DGKI: variants seen among roughly 807,000 people sequenced by gnomAD.
DGKI encodes the protein DAG kinase iota.
Under a neutral mutation model 147.5 loss-of-function variants are expected in DGKI, and 55 were observed. The ratio of observed to expected loss-of-function variants is 0.37; its 90% CI spans 0.30 to 0.47. DGKI has a LOEUF of 0.47. Ranked by LOEUF, DGKI falls within the 20% of genes least tolerant of loss-of-function variation. The pLI is 1.00. For missense variants in DGKI, 1,007 were observed against 1,323.8 expected (o/e 0.76, Z 3.71); for synonymous variants, 469 against 477.1 (o/e 0.98, Z 0.22).
At chr7:137,616,076 T>C (rs1032248179) in intron 8 of DGKI, among the ~76,000 whole-genome samples, 1 of 152,110 alleles carries the variant, frequency 6.6e-6, no homozygotes, top group African/African-American at 2.4e-5. Flanking sequence ...AAACATCTGA[T>C]TCAGCAAGGC....
chr7:137,399,710 G>C, intron 30 of DGKI, among the ~76,000 whole-genome samples: 1 of 152,172 alleles, frequency 6.6e-6, no homozygotes, highest in Non-Finnish European at 1.5e-5. Context: ...AGGAATTCGA[G>C]ACCAGCCTGA....
chr7:137,512,086 T>G (rs1425089159), intron 21 of DGKI, among the ~76,000 whole-genome samples: 1 of 152,198 alleles, frequency 6.6e-6, no homozygotes, highest in African/African-American at 2.4e-5. Context: ...AGTCTCACAG[T>G]CTGTTTCCCC....
chr7:137,450,792 CAT>C (rs769621825), intron 27 of DGKI, among the ~76,000 whole-genome samples: 4 of 150,664 alleles, frequency 2.7e-5, no homozygotes, highest in Non-Finnish European at 5.9e-5. Flanking sequence ...TATATATACA[CAT>C]ATATATATAT....
At chr7:137,811,919 G>C (rs1241883164) in intron 1 of DGKI, among the ~76,000 whole-genome samples, 1 of 152,086 alleles carries the variant, frequency 6.6e-6, no homozygotes, top group East Asian at 1.9e-4. Flanking sequence ...AGCCTAGGTA[G>C]GTAGTGACTC....
At chr7:137,546,275 G>A (rs1207549876) in intron 20 of DGKI, among the ~76,000 whole-genome samples, 4 of 152,096 alleles carry the variant, frequency 2.6e-5, no homozygotes, top group African/African-American at 9.7e-5. Flanking sequence ...GATGACCATG[G>A]CCTCCCTTGC....
chr7:137,588,893 T>C (rs1819511525), intron 12 of DGKI, among the ~76,000 whole-genome samples: 2 of 152,178 alleles, frequency 1.3e-5, no homozygotes, highest in Non-Finnish European at 1.5e-5. Flanking sequence ...TTCCATCTTA[T>C]AGATAAGGAA....
intron 1 of DGKI, among the ~76,000 whole-genome samples, chr7:137,758,854 T>C (rs141058532): frequency 0.013 from 1,917 of 152,240 alleles, 53 homozygotes; most frequent in African/African-American, 0.044. Context: ...CACCATTTGT[T>C]TGTAATCATA....
At chr7:137,657,572 T>C (rs1822271158) in intron 3 of DGKI, among the ~76,000 whole-genome samples, 1 of 152,150 alleles carries the variant, frequency 6.6e-6, no homozygotes, top group Non-Finnish European at 1.5e-5. Context: ...GGAAGGAGGA[T>C]TTGTATGAAT....
chr7:137,459,925 C>T (rs1814365809), intron 27 of DGKI, among the ~76,000 whole-genome samples: 1 of 152,138 alleles, frequency 6.6e-6, no homozygotes, highest in South Asian at 2.1e-4. Flanking sequence ...TATTTGCACA[C>T]AATCATTTTT....
chr7:137,773,727 T>A (rs1249550057), intron 1 of DGKI, among the ~76,000 whole-genome samples: 1 of 151,520 alleles, frequency 6.6e-6, no homozygotes, highest in Non-Finnish European at 1.5e-5. Context: ...AAAAAAAAAA[T>A]AGAAACTCAT....
chr7:137,503,003 A>C (rs1335931719), intron 21 of DGKI, among the ~76,000 whole-genome samples: 1 of 152,114 alleles, frequency 6.6e-6, no homozygotes, highest in Non-Finnish European at 1.5e-5. Flanking sequence ...TGGACAAAGG[A>C]CCAGAACCAT....
chr7:137,577,920 T>C (rs1193146075), intron 16 of DGKI, among the ~76,000 whole-genome samples: 1 of 152,226 alleles, frequency 6.6e-6, no homozygotes, highest in African/African-American at 2.4e-5. Context: ...CGTTCTTACC[T>C]AAAATTCTTC....
chr7:137,608,359 T>G (rs889631346), intron 10 of DGKI, among the ~76,000 whole-genome samples: 2 of 152,234 alleles, frequency 1.3e-5, no homozygotes, highest in African/African-American at 4.8e-5. Context: ...CTGTCCTTTA[T>G]AGACCAGTGT....
At chr7:137,584,801 A>T (rs1819328873) in intron 14 of DGKI, among the ~76,000 whole-genome samples, 1 of 152,222 alleles carries the variant, frequency 6.6e-6, no homozygotes, top group Non-Finnish European at 1.5e-5. Context: ...TCTTCAACGT[A>T]AGATATATTT....
At chr7:137,551,851 T>C in intron 20 of DGKI, among the ~76,000 whole-genome samples, 1 of 152,080 alleles carries the variant, frequency 6.6e-6, no homozygotes, top group East Asian at 1.9e-4. Flanking sequence ...CCCCAGAGTA[T>C]GGAGGACCCC....
intron 20 of DGKI, among the ~76,000 whole-genome samples, chr7:137,541,996 A>T (rs1180259569): frequency 6.6e-6 from 1 of 152,188 alleles, no homozygotes. Flanking sequence ...TGCAAAGCAC[A>T]CAAAGGCCTT....
chr7:137,763,543 T>C (rs901246223), intron 1 of DGKI, among the ~76,000 whole-genome samples: 7 of 152,262 alleles, frequency 4.6e-5, no homozygotes, highest in African/African-American at 1.7e-4. Context: ...GAATGTTTTA[T>C]GGAAATTATG....
intron 1 of DGKI, among the ~76,000 whole-genome samples, chr7:137,786,535 C>T (rs1477699814): frequency 2.6e-5 from 4 of 151,942 alleles, no homozygotes; most frequent in African/African-American, 9.7e-5. Context: ...TGAAAATGAC[C>T]ACACTGCCAA....
chr7:137,407,613 A>T (rs1435117507), intron 30 of DGKI, among the ~76,000 whole-genome samples: 1 of 152,182 alleles, frequency 6.6e-6, no homozygotes, highest in African/African-American at 2.4e-5. Context: ...ATTTAAAAAA[A>T]AAAACTAATT....
Sources: allele counts gnomAD v4.1 joint callset (sites outside exome capture counted in the v4.1 genomes callset), GRCh38; gene constraint gnomAD v4.1.1; transcripts MANE v1.5; gene names NCBI Gene and HGNC (gene_info 2026-07-23, HGNC 2026-07-21).